ELSPBP1: variants seen among roughly 807,000 people sequenced by gnomAD.
ELSPBP1 encodes epididymal sperm-binding protein 1.
ELSPBP1 carries 38 observed loss-of-function variants against 33.3 expected under a neutral mutation model. The observed-to-expected ratio is 1.14, with a 90% confidence interval of 0.88 to 1.50. The LOEUF (loss-of-function observed/expected upper bound fraction) is 1.50, where lower values mean the gene tolerates loss of function less well. Among genes scored for constraint, ELSPBP1 ranks in the 40% most tolerant of loss-of-function variants. The pLI is 0.00. For synonymous variants in ELSPBP1, 85 were observed against 94.1 expected (o/e 0.90, Z 0.56); for missense variants, 267 against 263.5 (o/e 1.01, Z -0.09).
rs1313991517 is a variant in ELSPBP1 at position 48,015,886 on chromosome 19, C to G, written c.209-7C>G. 6.2e-7 allele frequency: 1 copy of G among 1,604,586 alleles called. No individual in the cohort carries two copies. Among genetic ancestry groups the G allele is most frequent in the Non-Finnish European group, 8.5e-7 (1 of 1,172,352 alleles). The stretch of plus-strand genomic sequence containing the variant: ...GTTAAGACACTCACGAACTCTGTTC[C>G]TAACAGATTACCCACGCTGTATCTT... On this transcript the variant is annotated splice_polypyrimidine_tract_variant and splice_region_variant and intron_variant, in intron 3 of 6. Coordinates refer to ENST00000339841, the MANE Select transcript of ELSPBP1 (RefSeq NM_022142.5).
intron 1 of ELSPBP1, among the ~76,000 whole-genome samples, chr19:48,007,604 C>T (rs1036251350): frequency 3.3e-5 from 5 of 152,104 alleles, no homozygotes; most frequent in African/African-American, 9.7e-5. Context: ...ATCAAGGAAA[C>T]GGCACGAAGG....
intron 1 of ELSPBP1, among the ~76,000 whole-genome samples, chr19:48,006,764 G>A (rs899201860): frequency 6.6e-6 from 1 of 152,072 alleles, no homozygotes. Flanking sequence ...TCCTGACTGA[G>A]CCACTAGCCA....
At chr19:48,000,398 G>A (rs557165490) in intron 1 of ELSPBP1, among the ~76,000 whole-genome samples, 45 of 151,826 alleles carry the variant, frequency 3.0e-4, no homozygotes, top group Admixed American at 7.9e-4. Context: ...GTGCCACCAC[G>A]CCCAGCTAAT....
chr19:47,997,567 C>T (rs1019455690), intron 1 of ELSPBP1, among the ~76,000 whole-genome samples: 6 of 151,892 alleles, frequency 4.0e-5, no homozygotes, highest in African/African-American at 9.7e-5. Flanking sequence ...TTGAGGTACG[C>T]GTGATTTTTT....
intron 4 of ELSPBP1, among the ~76,000 whole-genome samples, chr19:48,019,448 C>A (rs1187079712): frequency 6.6e-6 from 1 of 152,090 alleles, no homozygotes; most frequent in Non-Finnish European, 1.5e-5. Flanking sequence ...TCTTCCTGGG[C>A]AAGAATTTCC....
chr19:48,005,134 T>C (rs1177779701), intron 1 of ELSPBP1, among the ~76,000 whole-genome samples: 1 of 150,176 alleles, frequency 6.7e-6, no homozygotes, highest in African/African-American at 2.5e-5. Context: ...TGATGGGAGA[T>C]GGAGGCTGTA....
intron 1 of ELSPBP1, among the ~76,000 whole-genome samples, chr19:48,001,133 T>C (rs1309017169): frequency 2.0e-5 from 3 of 151,926 alleles, no homozygotes; most frequent in Non-Finnish European, 4.4e-5. Context: ...CTCTGCTTTC[T>C]GTTGTCACAC....
At chr19:48,007,132 C>T (rs760007833) in intron 1 of ELSPBP1, among the ~76,000 whole-genome samples, 24 of 152,066 alleles carry the variant, frequency 1.6e-4, no homozygotes, top group Non-Finnish European at 2.8e-4. Flanking sequence ...ATGCCACTAA[C>T]GATCTACAAG....
rs188118734 is a variant in ELSPBP1, at chr19:48,025,058, C to T, written c.*114C>T. 8.5e-5 allele frequency: 13 copies of T among 152,278 alleles called. No homozygotes were observed. The East Asian group carries it at 2.1e-3, about 25-fold the overall frequency. The allele number at this position is 152,278 out of a possible 1,614,324, so 9.4% of individuals were successfully genotyped here. A position where few individuals can be genotyped will look rare whatever the true frequency, so the allele number is the denominator to read the frequency against. On this transcript the variant is annotated 3_prime_UTR_variant, in exon 7 of 7. Coordinates refer to ENST00000339841, the MANE Select transcript of ELSPBP1 (RefSeq NM_022142.5). ...GCTTAAATAACCACCTTTAGAAATA[C>T]CCTCTGCACCACCTGCTTCAATCAG...
At position 48,004,012 on chromosome 19, in the gene ELSPBP1, C is replaced by T. The variant is rs112173125; in HGVS notation, c.-17-4639C>T. Among the ~76,000 whole-genome samples, 11 of 151,140 alleles carry T rather than the reference C, an allele frequency of 7.3e-5. 1 individual carries two copies. The highest frequency in any genetic ancestry group is 1.5e-4 in the African/African-American group (6 of 41,114). Reference sequence around the variant, plus strand: ...AGGCTGGAGTGCAGTGGTATGATCTCGGCTCACAGCAACCTCTGCCTCCTG... The same window carrying T: ...AGGCTGGAGTGCAGTGGTATGATCTTGGCTCACAGCAACCTCTGCCTCCTG... On this transcript the variant is annotated intron_variant, in intron 1 of 6. Coordinates refer to ENST00000339841, the MANE Select transcript of ELSPBP1 (RefSeq NM_022142.5).
chr19:48,012,866 T>C (rs10412203), intron 2 of ELSPBP1, among the ~76,000 whole-genome samples: 1 of 152,088 alleles, frequency 6.6e-6, no homozygotes, highest in South Asian at 2.1e-4. Context: ...GCACTACCAC[T>C]TTCCATAAAT....
chr19:48,010,180 T>A (rs1162579343), intron 2 of ELSPBP1, among the ~76,000 whole-genome samples: 1 of 152,210 alleles, frequency 6.6e-6, no homozygotes, highest in African/African-American at 2.4e-5. Flanking sequence ...TAAGGGCATA[T>A]GAATATTCTC....
chr19:48,019,617 T>C (rs1419001279), intron 4 of ELSPBP1, 102 bp from the exon 5 acceptor site: 2 of 1,136,824 alleles, frequency 1.8e-6, no homozygotes, highest in African/African-American at 1.6e-5. Context: ...CAATGTGACG[T>C]TGCCTTTAAT....
chr19:48,022,056 C>A (rs1345172203), intron 5 of ELSPBP1, 114 bp from the exon 6 acceptor site: 6 of 953,898 alleles, frequency 6.3e-6, no homozygotes, highest in Non-Finnish European at 7.8e-6. Flanking sequence ...ATTAAAGGCG[C>A]GAACCACCAC....
intron 5 of ELSPBP1, among the ~76,000 whole-genome samples, chr19:48,021,275 G>C (rs1967196687): frequency 6.6e-6 from 1 of 152,096 alleles, no homozygotes; most frequent in South Asian, 2.1e-4. Context: ...GGAACAAGGG[G>C]GTGCTCTTTC....
intron 2 of ELSPBP1, among the ~76,000 whole-genome samples, chr19:48,013,419 A>G (rs1967097492): frequency 6.6e-6 from 1 of 152,212 alleles, no homozygotes; most frequent in South Asian, 2.1e-4. Context: ...TTGGGTTGCC[A>G]TAACAAAATA....
intron 4 of ELSPBP1, among the ~76,000 whole-genome samples, chr19:48,016,880 T>A (rs890859566): frequency 4.6e-5 from 7 of 152,168 alleles, no homozygotes; most frequent in Admixed American, 4.6e-4. Context: ...ATTACAGGCA[T>A]GAGGCACTGT....
At chr19:47,998,454 G>A (rs1966932932) in intron 1 of ELSPBP1, among the ~76,000 whole-genome samples, 1 of 147,910 alleles carries the variant, frequency 6.8e-6, no homozygotes, top group Non-Finnish European at 1.5e-5. Flanking sequence ...TCAATCTCAG[G>A]GATTGGGCTA....
At chr19:48,019,693 C>A (rs370406461) in intron 4 of ELSPBP1, 26 bp from the exon 5 acceptor site, 3 of 1,608,018 alleles carry the variant, frequency 1.9e-6, no homozygotes, top group Non-Finnish European at 2.5e-6. Flanking sequence ...CTTCTTGACC[C>A]GTAACCTTTC....
Sources: gnomAD v4.1 joint callset for allele counts (sites outside exome capture counted in the v4.1 genomes callset) on GRCh38, gnomAD v4.1.1 for gene constraint, MANE v1.5 for transcripts, NCBI Gene and HGNC (gene_info 2026-07-23, HGNC 2026-07-21) for gene names.